Variants in PARN observed in about 807,000 individuals in gnomAD.
The protein encoded by PARN is poly(A)-specific ribonuclease PARN.
Under a neutral mutation model 102.8 loss-of-function variants are expected in PARN, and 71 were observed. That is an observed-to-expected ratio of 0.69 (90% CI 0.57 to 0.84). The LOEUF (loss-of-function observed/expected upper bound fraction) is 0.84. Among genes scored for constraint, PARN ranks in the 40% least tolerant of loss-of-function variants. PARN has a pLI of 0.00. For synonymous variants in PARN, 261 were observed against 252.9 expected (o/e 1.03, Z -0.30); for missense variants, 782 against 760.9 (o/e 1.03, Z -0.33).
intron 21 of PARN, among the ~76,000 whole-genome samples, chr16:14,521,439 C>G (rs1965725167): frequency 6.6e-6 from 1 of 152,222 alleles, no homozygotes; most frequent in South Asian, 2.1e-4. Flanking sequence ...CACACAGAGC[C>G]ACTCCACTGA....
At chr16:14,590,903 A>G (rs1567422882) in intron 13 of PARN, among the ~76,000 whole-genome samples, 2 of 152,320 alleles carry the variant, frequency 1.3e-5, no homozygotes, top group East Asian at 1.9e-4. Flanking sequence ...TTACAGATGT[A>G]TAAGTGAGAC....
rs184616664 is a variant in PARN at position 14,449,306 on chromosome 16, C to T, written c.1671-2225G>A. On this transcript the variant is annotated intron_variant, in intron 22 of 23. Transcript: ENST00000437198. ...GGACTTTAAAATAATGGTGTTGGGA[C>T]AAGCAGAAAAGGATAAAATTAGAAC... 2.2e-3 allele frequency among the ~76,000 whole-genome samples: 331 copies of T among 152,076 alleles called. 1 individual carries two copies. The highest frequency in any genetic ancestry group is 2.4e-3 in the Non-Finnish European group (165 of 67,998).
Position 14,628,110 on chromosome 16 carries a change from A to G in PARN, c.177+62T>C, listed in dbSNP as rs940921209. On this transcript the variant is annotated intron_variant, in intron 3 of 23. Coordinates refer to ENST00000437198, the MANE Select transcript of PARN (RefSeq NM_002582.4). ...ATGCACAAGTTTAGTAACAATATTT[A>G]TCATTTAACATAAGGAAGACTAACA... is the stretch of plus-strand genomic sequence containing the variant. 6.3e-6 allele frequency: 6 copies of G among 956,830 alleles called. No individual in the cohort carries two copies. The African/African-American group carries it at 8.1e-5, about 13-fold the overall frequency. 59.3% of individuals were successfully genotyped at this position (956,830 alleles called of 1,614,324 possible).
intron 22 of PARN, among the ~76,000 whole-genome samples, chr16:14,448,049 ATCTCGGCTCACTGTAGCCTCCGCC>A (rs1276707782): frequency 3.9e-5 from 6 of 152,022 alleles, no homozygotes; most frequent in African/African-American, 1.5e-4. Flanking sequence ...CAGTGGAGTG[ATCTCGGCTCACTGTAGCCTCCGCC>A]TCCCGGATTC....
intron 23 of PARN, among the ~76,000 whole-genome samples, chr16:14,443,260 T>C (rs1360773155): frequency 1.4e-4 from 22 of 152,034 alleles, no homozygotes; most frequent in Non-Finnish European, 3.1e-4. Context: ...GTATCTTCGA[T>C]ATCAAAATGT....
At chr16:14,441,984 G>A (rs1322725141) in intron 23 of PARN, among the ~76,000 whole-genome samples, 1 of 152,120 alleles carries the variant, frequency 6.6e-6, no homozygotes. Context: ...CACTTAAAAG[G>A]CCTAACATGT....
chr16:14,535,821 A>G (rs1470752576), intron 21 of PARN, among the ~76,000 whole-genome samples: 3 of 152,202 alleles, frequency 2.0e-5, no homozygotes, highest in African/African-American at 7.2e-5. Context: ...ATGTATGTAT[A>G]GGAAAAACAG....
At chr16:14,470,446 T>G (rs527777610) in intron 22 of PARN, among the ~76,000 whole-genome samples, 8,276 of 99,384 alleles carry the variant, frequency 0.083, 740 homozygotes, top group African/African-American at 0.21. Flanking sequence ...TGATTATTAT[T>G]ATTATTATTA....
chr16:14,629,465 C>A (rs865883465), intron 2 of PARN, 132 bp downstream of exon 2: 14 of 683,266 alleles, frequency 2.0e-5, no homozygotes, highest in Admixed American at 1.8e-4. Context: ...AACACTGAGA[C>A]CTGTGAAACC....
intron 19 of PARN, among the ~76,000 whole-genome samples, chr16:14,554,673 G>T (rs1596655017): frequency 6.6e-6 from 1 of 150,810 alleles, no homozygotes; most frequent in Non-Finnish European, 1.5e-5. Flanking sequence ...TGAATTCCTG[G>T]CCTCAAGTGA....
chr16:14,588,757 C>A (rs1970003379), intron 13 of PARN, among the ~76,000 whole-genome samples: 1 of 152,200 alleles, frequency 6.6e-6, no homozygotes, highest in Non-Finnish European at 1.5e-5. Flanking sequence ...TGGCGTACAC[C>A]TGTAATCCCA....
intron 16 of PARN, among the ~76,000 whole-genome samples, chr16:14,582,804 C>T (rs999598413): frequency 6.6e-6 from 1 of 151,994 alleles, no homozygotes; most frequent in Non-Finnish European, 1.5e-5. Flanking sequence ...TTTTGTAAAA[C>T]AGAGATGATA....
chr16:14,571,052 C>T lies in PARN; in HGVS notation c.1262+9822G>A, dbSNP rs571145163. On this transcript the variant is annotated intron_variant, in intron 18 of 23. Coordinates refer to ENST00000437198, the MANE Select transcript of PARN (RefSeq NM_002582.4). ...AGGAAAGAAACAGCTTCTAATAGTT[C>T]ACTTAGAAGATATATTTCTTTACTT... 1.1e-4 allele frequency among the ~76,000 whole-genome samples: 16 copies of T among 151,994 alleles called. 1 individual carries two copies. The highest frequency in any genetic ancestry group is 3.6e-4 in the African/African-American group (15 of 41,468).
intron 14 of PARN, 52 bp downstream of exon 14, chr16:14,586,266 C>G (rs1045100006): frequency 1.3e-5 from 14 of 1,099,394 alleles, no homozygotes; most frequent in Non-Finnish European, 1.8e-5. Context: ...TGTGAGCCAC[C>G]GTGCCCAGCC....
intron 6 of PARN, among the ~76,000 whole-genome samples, chr16:14,614,545 G>A (rs1349672436): frequency 2.0e-5 from 3 of 152,084 alleles, no homozygotes; most frequent in Non-Finnish European, 4.4e-5. Flanking sequence ...GAAAATGGTG[G>A]CTCCCGTACA....
intron 10 of PARN, among the ~76,000 whole-genome samples, chr16:14,604,638 G>A (rs1008881517): frequency 1.3e-5 from 2 of 151,176 alleles, no homozygotes; most frequent in Non-Finnish European, 2.9e-5. Flanking sequence ...TTTTTTTTGA[G>A]ACAGTCTCAC....
intron 11 of PARN, among the ~76,000 whole-genome samples, chr16:14,603,203 C>T (rs1970980737): frequency 6.6e-6 from 1 of 152,156 alleles, no homozygotes; most frequent in African/African-American, 2.4e-5. Flanking sequence ...GCTGCGATTA[C>T]AGTCATGAGC....
At chr16:14,452,622 C>A (rs1251456209) in intron 22 of PARN, among the ~76,000 whole-genome samples, 2 of 152,220 alleles carry the variant, frequency 1.3e-5, no homozygotes, top group Non-Finnish European at 2.9e-5. Flanking sequence ...CAGGCGTGAG[C>A]CACCGCACCC....
intron 5 of PARN, among the ~76,000 whole-genome samples, chr16:14,620,239 C>A (rs945655127): frequency 6.7e-6 from 1 of 148,696 alleles, no homozygotes; most frequent in Non-Finnish European, 1.5e-5. Flanking sequence ...TAGCCAGGCG[C>A]GGTAGTGGGC....
Sources: gnomAD v4.1 joint callset for allele counts (sites outside exome capture counted in the v4.1 genomes callset) on GRCh38, gnomAD v4.1.1 for gene constraint, MANE v1.5 for transcripts, NCBI Gene and HGNC (gene_info 2026-07-23, HGNC 2026-07-21) for gene names.